The following TMC1 variants were observed in gnomAD, a reference collection of about 807,000 sequenced individuals.
TMC1 encodes transmembrane channel-like protein 1.
Under a neutral mutation model 105.8 loss-of-function variants are expected in TMC1, and 84 were observed. The ratio of observed to expected loss-of-function variants is 0.79; its 90% CI spans 0.67 to 0.95. The LOEUF (loss-of-function observed/expected upper bound fraction) is 0.95. TMC1 is among the 40% of genes least tolerant of loss of function. The probability of loss-of-function intolerance (pLI) is 0.00; values close to 1 mark genes in which losing one functional copy is unlikely to be tolerated. For missense variants in TMC1, 817 were observed against 914.1 expected (o/e 0.89, Z 1.37); for synonymous variants, 315 against 311.5 (o/e 1.01, Z -0.12).
intron 7 of TMC1, among the ~76,000 whole-genome samples, chr9:72,697,180 T>C (rs1218618291): frequency 6.6e-6 from 1 of 152,148 alleles, no homozygotes; most frequent in African/African-American, 2.4e-5. Context: ...TTTAGTGTAC[T>C]TTGAGCACTG....
chr9:72,562,365 T>C (rs1824071402), intron 1 of TMC1, among the ~76,000 whole-genome samples: 1 of 152,236 alleles, frequency 6.6e-6, no homozygotes, highest in Admixed American at 6.5e-5. Context: ...TTGACAGATA[T>C]GAAAACAGTG....
intron 2 of TMC1, among the ~76,000 whole-genome samples, chr9:72,597,476 G>C (rs1824739231): frequency 6.6e-6 from 1 of 152,200 alleles, no homozygotes; most frequent in Non-Finnish European, 1.5e-5. Context: ...AGAGCGAGTG[G>C]CCATTTGTAG....
chr9:72,568,519 A>G (rs909380414), intron 1 of TMC1, among the ~76,000 whole-genome samples: 4 of 152,210 alleles, frequency 2.6e-5, no homozygotes, highest in Non-Finnish European at 5.9e-5. Flanking sequence ...CAGGCTAGGC[A>G]CCGCAGCTAC....
chr9:72,766,802 C>T (rs968285372), intron 12 of TMC1, among the ~76,000 whole-genome samples: 6 of 152,256 alleles, frequency 3.9e-5, no homozygotes, highest in African/African-American at 1.2e-4. Flanking sequence ...TGTTAAGAAC[C>T]ATAGAGCACC....
At chr9:72,593,652 A>G (rs914156377) in intron 2 of TMC1, among the ~76,000 whole-genome samples, 10 of 151,786 alleles carry the variant, frequency 6.6e-5, no homozygotes, top group African/African-American at 2.4e-4. Context: ...TCGGCCTCCC[A>G]AAGTGCTGGG....
chr9:72,642,815 C>T (rs1321209637), intron 4 of TMC1, among the ~76,000 whole-genome samples: 1 of 152,124 alleles, frequency 6.6e-6, no homozygotes, highest in East Asian at 1.9e-4. Flanking sequence ...TAACAAACAC[C>T]TACATTAGTG....
chr9:72,794,947 A>T (rs916455749), intron 17 of TMC1, among the ~76,000 whole-genome samples: 2 of 152,234 alleles, frequency 1.3e-5, no homozygotes, highest in East Asian at 3.8e-4. Flanking sequence ...AGGTCTCATA[A>T]GGCTGAATAA....
chr9:72,767,045 G>A (rs1669670177), intron 12 of TMC1, among the ~76,000 whole-genome samples: 1 of 152,116 alleles, frequency 6.6e-6, no homozygotes, highest in African/African-American at 2.4e-5. Context: ...TTTCTTTCCT[G>A]TGTTGCGTCC....
intron 8 of TMC1, among the ~76,000 whole-genome samples, chr9:72,731,464 A>C (rs1234181535): frequency 6.6e-6 from 1 of 152,228 alleles, no homozygotes; most frequent in African/African-American, 2.4e-5. Flanking sequence ...GTGTAGGAGA[A>C]GAGAAAGGGT....
intron 5 of TMC1, among the ~76,000 whole-genome samples, chr9:72,664,456 C>T (rs931550716): frequency 1.3e-5 from 2 of 152,146 alleles, no homozygotes; most frequent in African/African-American, 4.8e-5. Context: ...TTTGTGCATC[C>T]AAATGTTGCC....
chr9:72,531,205 A>G (rs937814724), intron 1 of TMC1, among the ~76,000 whole-genome samples: 3 of 152,160 alleles, frequency 2.0e-5, no homozygotes, highest in Non-Finnish European at 2.9e-5. Flanking sequence ...TTATATATTT[A>G]TCTAATAATT....
chr9:72,570,230 A>AGT (rs3223165), intron 1 of TMC1, among the ~76,000 whole-genome samples: 14,797 of 145,482 alleles, frequency 0.1, 735 homozygotes, highest in Middle Eastern at 0.16. Context: ...CTCAAAGAGT[A>AGT]GTGTGTGTGT....
At chr9:72,644,112 T>C (rs1336616093) in intron 4 of TMC1, among the ~76,000 whole-genome samples, 1 of 152,170 alleles carries the variant, frequency 6.6e-6, no homozygotes, top group Non-Finnish European at 1.5e-5. Flanking sequence ...CATTTTTTAT[T>C]GGACTGTTTG....
intron 1 of TMC1, among the ~76,000 whole-genome samples, chr9:72,569,297 A>G (rs1041274602): frequency 2.6e-5 from 4 of 152,010 alleles, no homozygotes; most frequent in African/African-American, 7.2e-5. Context: ...TACAGATGCA[A>G]CTTTTTTTTT....
At chr9:72,549,122 C>A (rs1038872422) in intron 1 of TMC1, among the ~76,000 whole-genome samples, 8 of 152,172 alleles carry the variant, frequency 5.3e-5, no homozygotes, top group Non-Finnish European at 7.3e-5. Flanking sequence ...TATTTACAAA[C>A]CTCTCTTCTG....
intron 17 of TMC1, among the ~76,000 whole-genome samples, chr9:72,801,268 T>C (rs1828466021): frequency 6.6e-6 from 1 of 152,216 alleles, no homozygotes; most frequent in Non-Finnish European, 1.5e-5. Flanking sequence ...GGTCTTCACT[T>C]TGGGGAAGGG....
intron 12 of TMC1, among the ~76,000 whole-genome samples, chr9:72,770,289 T>C (rs1411022916): frequency 1.3e-5 from 2 of 148,868 alleles, no homozygotes; most frequent in African/African-American, 4.9e-5. Context: ...CATATACATA[T>C]ATATATATAT....
intron 8 of TMC1, among the ~76,000 whole-genome samples, chr9:72,709,139 A>G (rs1826793925): frequency 6.6e-6 from 1 of 151,956 alleles, no homozygotes; most frequent in Admixed American, 6.6e-5. Flanking sequence ...TTCTGTTTTA[A>G]TTCTGTTTAT....
At chr9:72,784,550 A>G (rs1828140434) in intron 13 of TMC1, among the ~76,000 whole-genome samples, 1 of 152,226 alleles carries the variant, frequency 6.6e-6, no homozygotes, top group African/African-American at 2.4e-5. Flanking sequence ...CAAAGAACTC[A>G]AAACAGAACT....
Sources: gnomAD v4.1 joint callset for allele counts (sites outside exome capture counted in the v4.1 genomes callset) on GRCh38, gnomAD v4.1.1 for gene constraint, MANE v1.5 for transcripts, NCBI Gene and HGNC (gene_info 2026-07-23, HGNC 2026-07-21) for gene names.